NALCN: variants seen among roughly 807,000 people sequenced by gnomAD.
NALCN encodes sodium leak channel NALCN.
A neutral mutation model predicts 225.3 loss-of-function variants in NALCN; 111 were observed. The observed-to-expected ratio is 0.49, with a 90% CI of 0.42 to 0.58. The LOEUF is 0.58. Ranked by LOEUF, NALCN falls within the 20% of genes least tolerant of loss-of-function variation. The pLI is 0.00. For synonymous variants in NALCN, 764 were observed against 769.0 expected, an observed-to-expected ratio of 0.99 and a Z score of 0.11; for missense variants, 1,378 against 2,202.4, an observed-to-expected ratio of 0.63 and a Z score of 7.49.
Position 101,104,202 on chromosome 13 carries a change from C to T in NALCN, c.2889+93G>A. ...GAATTCGGTTAGGGAATCTAAGCCT[C>T]TGTAACTCATACCTCTTGCGCTTAT... On this transcript the variant is annotated intron_variant, in intron 25 of 43. Transcript: ENST00000251127. The surrounding 1 kb of genome is among the most constrained non-coding windows in gnomAD (Gnocchi z 4.2). The T allele has an allele frequency of 6.8e-7, 1 of 1,464,890 alleles. No homozygotes were observed. Among genetic ancestry groups the T allele is most frequent in the Non-Finnish European group, 9.2e-7 (1 of 1,092,656 alleles). 90.7% of individuals were successfully genotyped at this position (1,464,890 alleles called of 1,614,324 possible). A position where few individuals can be genotyped will look rare whatever the true frequency, so the allele number is the denominator to read the frequency against.
At chr13:101,316,735 T>C (rs1044543639) in intron 7 of NALCN, among the ~76,000 whole-genome samples, 5 of 152,176 alleles carry the variant, frequency 3.3e-5, no homozygotes, top group African/African-American at 1.2e-4. Context: ...AATGTTCAGT[T>C]TATATGTTCC....
intron 26 of NALCN, 42 bp downstream of exon 26, chr13:101,103,130 T>C (rs758127678): frequency 1.9e-6 from 3 of 1,592,524 alleles, no homozygotes; most frequent in Admixed American, 3.5e-5. Flanking sequence ...GCATTAGAGG[T>C]GGACTACTGT....
chr13:101,304,498 C>A (rs1046864523), intron 7 of NALCN, among the ~76,000 whole-genome samples: 1 of 152,018 alleles, frequency 6.6e-6, no homozygotes, highest in Admixed American at 6.6e-5. Context: ...GCTCTGTCAC[C>A]CAGGATGGAA....
At chr13:101,317,855 T>C (rs549705736) in intron 7 of NALCN, among the ~76,000 whole-genome samples, 1 of 152,340 alleles carries the variant, frequency 6.6e-6, no homozygotes, top group African/African-American at 2.4e-5. Flanking sequence ...TTATTCTTTA[T>C]ATATGCATAG....
At chr13:101,061,258 C>T (rs1402708573) in intron 41 of NALCN, among the ~76,000 whole-genome samples, 3 of 152,130 alleles carry the variant, frequency 2.0e-5, no homozygotes, top group Non-Finnish European at 4.4e-5. Context: ...GAATAAATGA[C>T]ATTATCACAG....
At chr13:101,086,899 C>G (rs550258879) in intron 30 of NALCN, among the ~76,000 whole-genome samples, 15 of 152,064 alleles carry the variant, frequency 9.9e-5, no homozygotes, top group African/African-American at 3.4e-4. Flanking sequence ...ATTGCTAAAC[C>G]ACTTTTCTCA....
At chr13:101,065,330 T>C in intron 40 of NALCN, 74 bp downstream of exon 40, 1 of 1,499,354 alleles carries the variant, frequency 6.7e-7, no homozygotes, top group Non-Finnish European at 9.2e-7. Flanking sequence ...TTGTTAATTG[T>C]ACTGCAGAGG....
intron 9 of NALCN, among the ~76,000 whole-genome samples, chr13:101,287,208 C>T (rs937127975): frequency 8.5e-5 from 13 of 152,152 alleles, no homozygotes; most frequent in East Asian, 1.9e-4. Flanking sequence ...TATTGCCAAA[C>T]GGTTTTCTGG....
intron 18 of NALCN, among the ~76,000 whole-genome samples, chr13:101,118,447 T>C (rs1260325527): frequency 6.6e-6 from 1 of 152,170 alleles, no homozygotes; most frequent in Non-Finnish European, 1.5e-5. Flanking sequence ...ATTATTTTTG[T>C]TTTAGTTATA....
chr13:101,122,199 C>T (rs887330327), intron 18 of NALCN, among the ~76,000 whole-genome samples: 9 of 152,062 alleles, frequency 5.9e-5, no homozygotes, highest in Admixed American at 5.9e-4. Context: ...TGCACTTGCC[C>T]TTAATTCATG....
At chr13:101,332,468 T>C (rs565547714) in intron 7 of NALCN, among the ~76,000 whole-genome samples, 2 of 133,662 alleles carry the variant, frequency 1.5e-5, no homozygotes, top group Non-Finnish European at 3.1e-5. Context: ...TTGGCAGTAA[T>C]AGATTCCAGA....
At chr13:101,354,115 G>A (rs1015356010) in intron 6 of NALCN, among the ~76,000 whole-genome samples, 7 of 152,080 alleles carry the variant, frequency 4.6e-5, no homozygotes, top group Admixed American at 1.3e-4. Flanking sequence ...AGGCCGAGGC[G>A]GGCGGATCAC....
intron 13 of NALCN, among the ~76,000 whole-genome samples, chr13:101,225,483 A>G (rs2041107676): frequency 6.6e-6 from 1 of 152,200 alleles, no homozygotes; most frequent in Non-Finnish European, 1.5e-5. Context: ...GATTGGGAGC[A>G]GGCAGACTGG....
intron 3 of NALCN, among the ~76,000 whole-genome samples, chr13:101,387,012 G>C (rs530840103): frequency 0.016 from 2,391 of 151,732 alleles, 27 homozygotes; most frequent in Non-Finnish European, 0.027. Flanking sequence ...ATGAGGTCAG[G>C]AGATCGAGAC....
chr13:101,388,702 T>G (rs2047060527), intron 3 of NALCN, among the ~76,000 whole-genome samples: 1 of 152,222 alleles, frequency 6.6e-6, no homozygotes, highest in Admixed American at 6.5e-5. Context: ...ATGCCTACTA[T>G]CATTTTAGTG....
intron 28 of NALCN, among the ~76,000 whole-genome samples, chr13:101,095,248 A>G (rs1248605996): frequency 1.3e-5 from 2 of 152,214 alleles, no homozygotes; most frequent in African/African-American, 4.8e-5. Context: ...GGATAAGTTT[A>G]GTTTTAATTT....
At chr13:101,103,417 A>G (rs2034932889) in intron 25 of NALCN, 78 bp from the exon 26 acceptor site, 1 of 1,484,448 alleles carries the variant, frequency 6.7e-7, no homozygotes, top group African/African-American at 1.4e-5. Context: ...CCGACTGGCC[A>G]CAACTTTTCA....
intron 22 of NALCN, among the ~76,000 whole-genome samples, chr13:101,106,201 T>G: frequency 6.6e-6 from 1 of 152,226 alleles, no homozygotes; most frequent in Middle Eastern, 3.4e-3. Flanking sequence ...AATGTTCTCT[T>G]AAGGAAACCA....
At chr13:101,343,433 C>G (rs911527980) in intron 7 of NALCN, among the ~76,000 whole-genome samples, 1 of 152,086 alleles carries the variant, frequency 6.6e-6, no homozygotes, top group Non-Finnish European at 1.5e-5. Context: ...AAAAGAACAA[C>G]AAGAAAACAA....
Sources: gnomAD v4.1 joint callset for allele counts (sites outside exome capture counted in the v4.1 genomes callset) on GRCh38, gnomAD v4.1.1 for gene constraint, Gnocchi (gnomAD v3.1) non-coding constraint, MANE v1.5 for transcripts, NCBI Gene and HGNC (gene_info 2026-07-23, HGNC 2026-07-21) for gene names.